Variants in MICAL3 observed in about 807,000 individuals in gnomAD.
MICAL3 encodes the protein [F-actin]-monooxygenase MICAL3.
A neutral mutation model predicts 207.4 loss-of-function variants in MICAL3; 62 were observed. The ratio of observed to expected loss-of-function variants is 0.30; its 90% CI spans 0.24 to 0.37. MICAL3 has a LOEUF of 0.37. MICAL3 is among the 10% of genes least tolerant of loss of function. MICAL3 has a pLI of 1.00. For missense variants in MICAL3, 2,368 were observed against 2,635.6 expected, an observed-to-expected ratio of 0.90 and a Z score of 2.22; for synonymous variants, 1,077 against 1,069.3, an observed-to-expected ratio of 1.01 and a Z score of -0.14.
chr22:17,792,081 C>G (rs2061830399), intron 29 of MICAL3, among the ~76,000 whole-genome samples: 2 of 152,218 alleles, frequency 1.3e-5, no homozygotes, highest in Admixed American at 1.3e-4. Context: ...TACCAAACCT[C>G]CCCCAGGGAC....
At position 17,819,146 on chromosome 22, in the gene MICAL3, CAG is replaced by C; in HGVS notation, c.3532-19_3532-18del. ...TTGGGGCCCCTACAGGGAAGGAAGACAGAAGCCGCTGAGAAGGTGTGGGCTTT... is the reference window on the plus strand; with the variant it reads ...TTGGGGCCCCTACAGGGAAGGAAGACAAGCCGCTGAGAAGGTGTGGGCTTT... On this transcript the variant is annotated intron_variant, in intron 25 of 31. Transcript: ENST00000441493. 1 of 1,454,414 alleles carries C rather than the reference CAG, an allele frequency of 6.9e-7. No individual in the cohort carries two copies. The highest frequency in any genetic ancestry group is 9.1e-7 in the Non-Finnish European group (1 of 1,099,588). The allele number at this position is 1,454,414 out of a possible 1,614,324, so 90.1% of individuals were successfully genotyped here. A position where few individuals can be genotyped will look rare whatever the true frequency, so the allele number is the denominator to read the frequency against.
At chr22:17,816,915 T>TC (rs1921052942) in intron 26 of MICAL3, 131 bp from the exon 27 acceptor site, 1 of 719,578 alleles carries the variant, frequency 1.4e-6, no homozygotes, top group Admixed American at 2.4e-5. Context: ...AAGGGATCCA[T>TC]CCCCCATCCT....
chr22:17,793,193 C>A lies in MICAL3; in HGVS notation c.5651-1892G>T, dbSNP rs1236284002. Among the ~76,000 whole-genome samples the A allele has an allele frequency of 2.0e-5, 3 of 152,170 alleles. No homozygotes were observed. The East Asian group carries it at 5.8e-4, about 29-fold the overall frequency. ...TTAGCAGGGTTAGTCACGGCCACACCCCCCACATGCCTTTCAACGACAATC... is the reference window on the plus strand; with the variant it reads ...TTAGCAGGGTTAGTCACGGCCACACACCCCACATGCCTTTCAACGACAATC... On this transcript the variant is annotated intron_variant, in intron 29 of 31. Transcript: ENST00000441493. The surrounding 1 kb of genome is among the most constrained non-coding windows in gnomAD (Gnocchi z 4.1).
intron 1 of MICAL3, among the ~76,000 whole-genome samples, chr22:17,929,563 C>CTTTT (rs1468952826): frequency 2.1e-5 from 2 of 95,610 alleles, no homozygotes; most frequent in Non-Finnish European, 2.1e-5. Context: ...CTTTCCTTTT[C>CTTTT]TTTTCTTTTT....
chr22:17,982,990 A>C (rs5992943), intron 1 of MICAL3, among the ~76,000 whole-genome samples: 38,113 of 151,792 alleles, frequency 0.25, 5,064 homozygotes, highest in African/African-American at 0.3. Flanking sequence ...GTACCTCAGA[A>C]ACGAAGGACC....
chr22:17,849,688 ATTTTTTT>A lies in MICAL3; in HGVS notation c.2606-7678_2606-7672del, dbSNP rs57344653. Among the ~76,000 whole-genome samples, 31 of 36,292 alleles carry A rather than the reference ATTTTTTT, an allele frequency of 8.5e-4. No homozygotes were observed. In the East Asian group the frequency reaches 0.021, roughly 25 times the overall value. The allele number at this position is 36,292 out of a possible 152,430, so 23.8% of individuals were successfully genotyped here. A position where few individuals can be genotyped will look rare whatever the true frequency, so the allele number is the denominator to read the frequency against. On this transcript the variant is annotated intron_variant, in intron 19 of 31. Transcript: ENST00000441493. ...TGTGTGTGTGTGTGTGTGTGTGTGT[ATTTTTTT>A]TTTTTTTTTTTTTTTTTGAGATGGA... is the stretch of plus-strand genomic sequence containing the variant.
At chr22:17,886,758 T>C (rs1049398257) in intron 15 of MICAL3, among the ~76,000 whole-genome samples, 3 of 147,992 alleles carry the variant, frequency 2.0e-5, no homozygotes, top group African/African-American at 7.6e-5. Context: ...TGAGCCGAGA[T>C]TGCACTACTG....
At chr22:17,835,083 C>T (rs549314731) in intron 20 of MICAL3, among the ~76,000 whole-genome samples, 10 of 152,334 alleles carry the variant, frequency 6.6e-5, no homozygotes, top group Non-Finnish European at 1.0e-4. Context: ...GCTGCACAGG[C>T]ACAATGTGGG....
At chr22:17,910,484 G>C (rs1602201975) in intron 1 of MICAL3, among the ~76,000 whole-genome samples, 2 of 152,334 alleles carry the variant, frequency 1.3e-5, no homozygotes, top group East Asian at 3.9e-4. Flanking sequence ...GAGAGCTGCA[G>C]AGCCAACCAG....
At chr22:17,800,901 T>C (rs1172781519) in intron 29 of MICAL3, among the ~76,000 whole-genome samples, 1 of 152,200 alleles carries the variant, frequency 6.6e-6, no homozygotes, top group African/African-American at 2.4e-5. Context: ...AATTCTGGCA[T>C]TGCCGTCGTC....
intron 19 of MICAL3, among the ~76,000 whole-genome samples, chr22:17,850,181 C>A (rs1328053173): frequency 6.6e-6 from 1 of 151,880 alleles, no homozygotes; most frequent in Non-Finnish European, 1.5e-5. Context: ...GCTAGAGAGG[C>A]CAAAGAGGAA....
chr22:17,982,212 T>C (rs1935943679), intron 1 of MICAL3, among the ~76,000 whole-genome samples: 1 of 152,220 alleles, frequency 6.6e-6, no homozygotes, highest in African/African-American at 2.4e-5. Context: ...GTGACGGCAC[T>C]TGTGGAAACA....
intron 16 of MICAL3, chr22:17,881,097 G>C: frequency 1.0e-6 from 1 of 958,018 alleles, no homozygotes; most frequent in Non-Finnish European, 1.7e-6. Flanking sequence ...CTTTCTTCTT[G>C]ATAGTTATTG....
chr22:17,939,770 GAGCAACT>G (rs1933722229), intron 1 of MICAL3, among the ~76,000 whole-genome samples: 1 of 152,070 alleles, frequency 6.6e-6, no homozygotes, highest in Non-Finnish European at 1.5e-5. Flanking sequence ...CATTAAATTA[GAGCAACT>G]GCCCTCCTCT....
At chr22:17,960,694 T>G (rs1200051257) in intron 1 of MICAL3, among the ~76,000 whole-genome samples, 2 of 148,028 alleles carry the variant, frequency 1.4e-5, no homozygotes, top group African/African-American at 2.5e-5. Context: ...GGTGAGAGGG[T>G]GGGGGGAAGG....
intron 28 of MICAL3, among the ~76,000 whole-genome samples, chr22:17,810,260 T>C (rs1026201478): frequency 3.2e-4 from 49 of 152,164 alleles, no homozygotes; most frequent in African/African-American, 1.1e-3. Flanking sequence ...GACGGGGGTT[T>C]CACCGTGTTA....
chr22:17,860,356 C>T (rs182988166), intron 19 of MICAL3: 653 of 985,426 alleles, frequency 6.6e-4, no homozygotes, highest in African/African-American at 2.4e-3. Context: ...GGAGAGAAGG[C>T]GGGCAGTAGA....
At chr22:17,892,600 G>A (rs148940315) in intron 11 of MICAL3, among the ~76,000 whole-genome samples, 1 of 152,298 alleles carries the variant, frequency 6.6e-6, no homozygotes, top group African/African-American at 2.4e-5. Flanking sequence ...CTTTTACTCA[G>A]ATCTGTCTCC....
chr22:17,912,415 A>C (rs1018524298), intron 1 of MICAL3, among the ~76,000 whole-genome samples: 1 of 151,990 alleles, frequency 6.6e-6, no homozygotes, highest in African/African-American at 2.4e-5. Flanking sequence ...ATTACACTGA[A>C]TGTGTATTGT....
Sources: gnomAD v4.1 joint callset for allele counts (sites outside exome capture counted in the v4.1 genomes callset) on GRCh38, gnomAD v4.1.1 for gene constraint, Gnocchi (gnomAD v3.1) non-coding constraint, MANE v1.5 for transcripts, NCBI Gene and HGNC (gene_info 2026-07-23, HGNC 2026-07-21) for gene names.